The following DMD variants were observed in gnomAD, a reference collection of about 807,000 sequenced individuals.
The protein encoded by DMD is mutant dystrophin.
In DMD, 63 loss-of-function variants were observed where a neutral mutation model predicts 330.1. The observed-to-expected ratio is 0.19, with a 90% CI of 0.16 to 0.24. The LOEUF (loss-of-function observed/expected upper bound fraction) is 0.24. Among genes scored for constraint, DMD ranks in the 10% least tolerant of loss-of-function variants. The probability of loss-of-function intolerance (pLI) is 1.00; values close to 1 mark genes in which losing one functional copy is unlikely to be tolerated. For missense variants in DMD, 3,344 were observed against 2,684.1 expected, an observed-to-expected ratio of 1.25 and a Z score of -5.43; for synonymous variants, 1,223 against 959.8, an observed-to-expected ratio of 1.27 and a Z score of -5.07.
chrX:32,681,415 A>G (rs144768016), intron 9 of DMD, among the ~76,000 whole-genome samples: 2 of 111,773 alleles, frequency 1.8e-5, no homozygotes, highest in East Asian at 5.7e-4. Context: ...AAGGTAGCAT[A>G]TCCCACCTTG....
intron 67 of DMD, among the ~76,000 whole-genome samples, chrX:31,185,430 T>C (rs2041669674): frequency 1.8e-5 from 2 of 112,022 alleles, no homozygotes; most frequent in Non-Finnish European, 3.8e-5. Flanking sequence ...TTCATTCTTA[T>C]TAATTCCTTC....
intron 61 of DMD, among the ~76,000 whole-genome samples, chrX:31,336,015 T>C (rs1197731583): frequency 1.8e-5 from 2 of 112,821 alleles, no homozygotes; most frequent in Non-Finnish European, 3.8e-5. Flanking sequence ...TCCCCTACAC[T>C]GATCAGGAAG....
chrX:31,256,459 G>C (rs1320702370), intron 63 of DMD, among the ~76,000 whole-genome samples: 1 of 111,587 alleles, frequency 9.0e-6, no homozygotes, highest in Non-Finnish European at 1.9e-5. Context: ...CGATAAATGA[G>C]GGAAACACAA....
At chrX:32,781,904 T>G (rs936234878) in intron 7 of DMD, among the ~76,000 whole-genome samples, 4 of 111,357 alleles carry the variant, frequency 3.6e-5, no homozygotes, top group African/African-American at 1.3e-4. Flanking sequence ...TTCTCTCTAT[T>G]TCCCCAAATA....
At chrX:31,712,427 C>CT (rs1266934812) in intron 52 of DMD, among the ~76,000 whole-genome samples, 1 of 111,885 alleles carries the variant, frequency 8.9e-6, no homozygotes, top group African/African-American at 3.2e-5. Flanking sequence ...TTTGATAATC[C>CT]TTAAGAGGTA....
intron 48 of DMD, among the ~76,000 whole-genome samples, chrX:31,844,331 T>C (rs1399968851): frequency 5.6e-5 from 6 of 106,496 alleles, no homozygotes; most frequent in Non-Finnish European, 1.2e-4. Context: ...TTGTTAAAGA[T>C]CAGATGGCTG....
intron 43 of DMD, among the ~76,000 whole-genome samples, chrX:32,254,294 G>A (rs988418894): frequency 3.6e-5 from 4 of 110,298 alleles, no homozygotes; most frequent in Admixed American, 2.9e-4. Flanking sequence ...TGCCCACCTC[G>A]GCCTCTCAAA....
At chrX:31,486,042 T>C (rs1200573585) in intron 57 of DMD, among the ~76,000 whole-genome samples, 1 of 112,324 alleles carries the variant, frequency 8.9e-6, no homozygotes, top group Non-Finnish European at 1.9e-5. Context: ...TGCTCCTCTG[T>C]GTCCTCATTT....
chrX:33,302,090 A>G (rs938723771), intron 1 of DMD, among the ~76,000 whole-genome samples: 1 of 111,706 alleles, frequency 9.0e-6, no homozygotes, highest in African/African-American at 3.3e-5. Context: ...AATATTCTTG[A>G]AAACATAATT....
chrX:33,247,463 C>T (rs1398933096), intron 1 of DMD, among the ~76,000 whole-genome samples: 1 of 111,618 alleles, frequency 9.0e-6, no homozygotes, highest in Non-Finnish European at 1.9e-5. Flanking sequence ...TATTTAACTT[C>T]TGTACTCCAT....
At chrX:32,672,129 T>C (rs1237207926) in intron 9 of DMD, among the ~76,000 whole-genome samples, 1 of 111,639 alleles carries the variant, frequency 9.0e-6, no homozygotes, top group Non-Finnish European at 1.9e-5. Context: ...AAACTTTTGC[T>C]AAATTTTGAA....
intron 62 of DMD, among the ~76,000 whole-genome samples, chrX:31,264,420 CCTTT>C (rs1401314680): frequency 4.5e-5 from 5 of 112,137 alleles, no homozygotes; most frequent in African/African-American, 1.6e-4. Flanking sequence ...CTTTGTTTGG[CCTTT>C]CTGAGAACAA....
intron 7 of DMD, among the ~76,000 whole-genome samples, chrX:32,786,575 C>A (rs142898330): frequency 0.019 from 2,159 of 111,770 alleles, 60 homozygotes; most frequent in African/African-American, 0.066. Flanking sequence ...CCCTCTTATT[C>A]TGGCTCTAGT....
chrX:32,749,963 T>C (rs113552735), intron 7 of DMD, among the ~76,000 whole-genome samples: 4,846 of 112,405 alleles, frequency 0.043, 227 homozygotes, highest in African/African-American at 0.15. Context: ...TAGGTAGTTA[T>C]ATACAGTTCA....
intron 13 of DMD, among the ~76,000 whole-genome samples, chrX:32,593,378 A>T (rs5928033): frequency 0.064 from 7,189 of 112,235 alleles, 214 homozygotes; most frequent in Middle Eastern, 0.11. Context: ...AGTTGCATCC[A>T]TTCTTTAACA....
At chrX:32,918,140 T>C (rs2088024633) in intron 2 of DMD, among the ~76,000 whole-genome samples, 1 of 111,366 alleles carries the variant, frequency 9.0e-6, no homozygotes, top group African/African-American at 3.3e-5. Context: ...TCCTATTTTA[T>C]GGCTAAAATA....
intron 47 of DMD, among the ~76,000 whole-genome samples, chrX:31,882,455 G>GA (rs1197438463): frequency 1.8e-5 from 2 of 110,701 alleles, no homozygotes; most frequent in African/African-American, 6.6e-5. Context: ...AGAAAATATA[G>GA]AAAAAAATCT....
intron 44 of DMD, among the ~76,000 whole-genome samples, chrX:32,009,710 A>G (rs1433632143): frequency 1.8e-5 from 2 of 111,823 alleles, no homozygotes; most frequent in African/African-American, 6.5e-5. Flanking sequence ...AGTTCTTCAA[A>G]AGAGGTTGCT....
intron 41 of DMD, among the ~76,000 whole-genome samples, chrX:32,317,650 A>G (rs1361658793): frequency 1.8e-5 from 2 of 111,423 alleles, no homozygotes; most frequent in Non-Finnish European, 3.8e-5. Flanking sequence ...TTACTGGCCC[A>G]TTTATGAGTT....
Sources: allele counts gnomAD v4.1 joint callset (sites outside exome capture counted in the v4.1 genomes callset), GRCh38; gene constraint gnomAD v4.1.1; transcripts MANE v1.5; gene names NCBI Gene and HGNC (gene_info 2026-07-23, HGNC 2026-07-21).